Variants in ZNF892 observed in about 807,000 individuals in gnomAD.
The protein encoded by ZNF892 is zinc finger protein 892.
chr2:95,217,111 C>T, the ZNF892 span, among the ~76,000 whole-genome samples: 1 of 152,206 alleles, frequency 6.6e-6, no homozygotes. Context: ...GCTGCCTTCT[C>T]ACTGTGTCTT....
the ZNF892 span, among the ~76,000 whole-genome samples, chr2:95,242,341 A>G: frequency 2.0e-5 from 3 of 152,258 alleles, no homozygotes; most frequent in South Asian, 6.2e-4. Context: ...CCAATATTCA[A>G]CATTCTTAAA....
At chr2:95,234,743 C>G in the ZNF892 span, among the ~76,000 whole-genome samples, 2 of 152,226 alleles carry the variant, frequency 1.3e-5, no homozygotes, top group African/African-American at 4.8e-5. Flanking sequence ...CCCTGTATGT[C>G]TCCTCATCTG....
chr2:95,210,995 A>C, the ZNF892 span, among the ~76,000 whole-genome samples: 2 of 152,082 alleles, frequency 1.3e-5, no homozygotes, highest in Non-Finnish European at 2.9e-5. Flanking sequence ...CACACACTTC[A>C]AGCAGATGAA....
the ZNF892 span, among the ~76,000 whole-genome samples, chr2:95,235,687 C>A: frequency 6.6e-6 from 1 of 152,186 alleles, no homozygotes; most frequent in Non-Finnish European, 1.5e-5. Flanking sequence ...GTGGCTCAGA[C>A]AACAGCAGGC....
chr2:95,239,134 C>T, the ZNF892 span, among the ~76,000 whole-genome samples: 15 of 125,234 alleles, frequency 1.2e-4, no homozygotes, highest in East Asian at 2.2e-4. Context: ...AGCAAAACTC[C>T]GTCTCAAAGG....
At chr2:95,244,314 C>T in the ZNF892 span, among the ~76,000 whole-genome samples, 418 of 146,600 alleles carry the variant, frequency 2.9e-3, 4 homozygotes, top group African/African-American at 1.0e-2. Flanking sequence ...TCCCCCTCTG[C>T]GAGAAACACC....
At chr2:95,243,900 AG>A in the ZNF892 span, among the ~76,000 whole-genome samples, 1 of 152,230 alleles carries the variant, frequency 6.6e-6, no homozygotes, top group African/African-American at 2.4e-5. Flanking sequence ...TGGAATAGAA[AG>A]GGGGGAAGGT....
chr2:95,231,413 C>T, the ZNF892 span, among the ~76,000 whole-genome samples: 1 of 152,114 alleles, frequency 6.6e-6, no homozygotes, highest in Non-Finnish European at 1.5e-5. Flanking sequence ...TGGGAAGGGG[C>T]AGAACAAACT....
chr2:95,252,012 TGTTGGAAA>T, the ZNF892 span, among the ~76,000 whole-genome samples: 2 of 152,212 alleles, frequency 1.3e-5, no homozygotes, highest in Admixed American at 1.3e-4. Flanking sequence ...CCTTGGCCTG[TGTTGGAAA>T]TAAGAGTTCG....
chr2:95,250,689 T>C, the ZNF892 span, among the ~76,000 whole-genome samples: 1 of 141,644 alleles, frequency 7.1e-6, no homozygotes, highest in Non-Finnish European at 1.5e-5. Context: ...AAACTATTCA[T>C]AAATTATAAA....
At chr2:95,237,357 A>G in the ZNF892 span, among the ~76,000 whole-genome samples, 1 of 152,130 alleles carries the variant, frequency 6.6e-6, no homozygotes, top group Non-Finnish European at 1.5e-5. Flanking sequence ...CATGTTGGCC[A>G]GGCTGGTCTT....
chr2:95,250,586 C>G, the ZNF892 span, among the ~76,000 whole-genome samples: 1 of 96,356 alleles, frequency 1.0e-5, no homozygotes, highest in African/African-American at 3.9e-5. Flanking sequence ...TAAATATAAG[C>G]TATTCATAAA....
the ZNF892 span, chr2:95,207,544 C>T: frequency 2.8e-6 from 1 of 351,960 alleles, no homozygotes; most frequent in African/African-American, 2.1e-5. Flanking sequence ...GGTTGGCCGG[C>T]GCTAGGCGTC....
chr2:95,208,172 G>A, the ZNF892 span, among the ~76,000 whole-genome samples: 1 of 152,210 alleles, frequency 6.6e-6, no homozygotes, highest in African/African-American at 2.4e-5. Flanking sequence ...GATTTGAGAA[G>A]TCACGGAATT....
chr2:95,239,778 C>T, the ZNF892 span, among the ~76,000 whole-genome samples: 4 of 152,136 alleles, frequency 2.6e-5, no homozygotes, highest in Admixed American at 6.6e-5. Flanking sequence ...CAGGCATCTG[C>T]CACCACACCC....
chr2:95,228,023 G>A, the ZNF892 span, among the ~76,000 whole-genome samples: 1 of 152,178 alleles, frequency 6.6e-6, no homozygotes, highest in African/African-American at 2.4e-5. Context: ...CAAATGTCAT[G>A]TACAGCTCCC....
At chr2:95,243,077 C>T in the ZNF892 span, among the ~76,000 whole-genome samples, 10 of 152,224 alleles carry the variant, frequency 6.6e-5, no homozygotes, top group African/African-American at 2.4e-4. Flanking sequence ...GTCTCCAGCT[C>T]CTAACCGCGA....
the ZNF892 span, among the ~76,000 whole-genome samples, chr2:95,256,621 C>G: frequency 6.6e-6 from 1 of 152,164 alleles, no homozygotes; most frequent in African/African-American, 2.4e-5. Flanking sequence ...GTTGGCCTGC[C>G]TTGCTAGACT....
chr2:95,242,720 A>T, the ZNF892 span, among the ~76,000 whole-genome samples: 96 of 152,310 alleles, frequency 6.3e-4, no homozygotes, highest in African/African-American at 2.0e-3. Flanking sequence ...AAGAGCCAAG[A>T]CCCATCAGTA....
Sources: gnomAD v4.1 joint callset for allele counts (sites outside exome capture counted in the v4.1 genomes callset) on GRCh38, gnomAD v4.1.1 for gene constraint, MANE v1.5 for transcripts, NCBI Gene and HGNC (gene_info 2026-07-23, HGNC 2026-07-21) for gene names.